Variants in TPRG1 observed in about 807,000 individuals in gnomAD.
TPRG1 encodes tumor protein p63 regulated 1, also known as tumor protein p63-regulated gene 1 protein.
A neutral mutation model predicts 29.3 loss-of-function variants in TPRG1; 29 were observed. The ratio of observed to expected loss-of-function variants is 0.99; its 90% CI spans 0.74 to 1.35. The LOEUF (loss-of-function observed/expected upper bound fraction) is 1.35. Among genes scored for constraint, TPRG1 ranks in the 40% most tolerant of loss-of-function variants. TPRG1 has a pLI of 0.00. For missense variants in TPRG1, 327 were observed against 335.0 expected, an observed-to-expected ratio of 0.98 and a Z score of 0.19; for synonymous variants, 130 against 116.8, an observed-to-expected ratio of 1.11 and a Z score of -0.73.
At chr3:189,127,645 G>A (rs1722638841) in intron 2 of TPRG1, among the ~76,000 whole-genome samples, 1 of 152,142 alleles carries the variant, frequency 6.6e-6, no homozygotes, top group African/African-American at 2.4e-5. Context: ...CCAGGTAAAG[G>A]TCTTAAGGTC....
intron 3 of TPRG1, among the ~76,000 whole-genome samples, chr3:189,020,251 A>G (rs1487638288): frequency 6.7e-6 from 1 of 149,198 alleles, no homozygotes; most frequent in African/African-American, 2.5e-5. Flanking sequence ...CTCTGATTTT[A>G]GTTATTTCTT....
chr3:189,081,925 T>A (rs1302507953), intron 4 of TPRG1, among the ~76,000 whole-genome samples: 1 of 152,186 alleles, frequency 6.6e-6, no homozygotes, highest in Non-Finnish European at 1.5e-5. Flanking sequence ...TCATCGAGAT[T>A]TAGCTCAGCT....
intron 5 of TPRG1, among the ~76,000 whole-genome samples, chr3:189,151,424 GC>G (rs1389681366): frequency 1.3e-5 from 2 of 152,118 alleles, no homozygotes; most frequent in African/African-American, 4.8e-5. Context: ...CCTAAATATA[GC>G]TAAAACCATG....
In TPRG1 at chr3:189,129,833, G is replaced by T. The variant is rs564179202; in HGVS notation, c.-589-2566G>T. 2.6e-4 allele frequency among the ~76,000 whole-genome samples: 39 copies of T among 152,236 alleles called. No homozygotes were observed. In the South Asian group the frequency reaches 7.9e-3, roughly 31 times the overall value. On this transcript the variant is annotated intron_variant, in intron 2 of 6. Transcript: ENST00000412373. ...GATTGTTTCATGTGCACAGTGGAAG[G>T]AGTATGAAAATAATTTTACTTATTT...
chr3:189,154,183 G>A (rs1188005316), intron 5 of TPRG1, among the ~76,000 whole-genome samples: 2 of 152,160 alleles, frequency 1.3e-5, no homozygotes, highest in African/African-American at 2.4e-5. Flanking sequence ...AATTGGAAAA[G>A]GAGTTTGATG....
intron 4 of TPRG1, among the ~76,000 whole-genome samples, chr3:189,148,668 G>A (rs1350486966): frequency 6.6e-6 from 1 of 152,224 alleles, no homozygotes; most frequent in Admixed American, 6.5e-5. Flanking sequence ...GCCTGACCCA[G>A]GCAATGAATC....
At chr3:189,042,079 G>A (rs764673643) in intron 4 of TPRG1, among the ~76,000 whole-genome samples, 1 of 151,840 alleles carries the variant, frequency 6.6e-6, no homozygotes, top group African/African-American at 2.4e-5. Context: ...ATGTTGATGG[G>A]AATTGACCTA....
At position 189,041,655 on chromosome 3, in the gene TPRG1, A is replaced by G. The variant is rs937028797; in HGVS notation, c.-463+17709A>G. 3.9e-5 allele frequency among the ~76,000 whole-genome samples: 6 copies of G among 152,212 alleles called. No homozygotes were observed. In the South Asian group the frequency reaches 6.2e-4, roughly 16 times the overall value. ...TTAGCCCTTTACTCAGATGCCAGCA[A>G]TTTTCTGCCATGTTACCTGGTGATG... On this transcript the variant is annotated intron_variant, in intron 4 of 10. Coordinates refer to the TPRG1 transcript ENST00000433971.
chr3:189,038,750 A>C lies in TPRG1; in HGVS notation c.-463+14804A>C, dbSNP rs77984601. Among the ~76,000 whole-genome samples, 1,035 of 151,648 alleles carry C rather than the reference A, an allele frequency of 6.8e-3. 14 individuals are homozygous for C. Among genetic ancestry groups the C allele is most frequent in the African/African-American group, 0.024 (990 of 41,312 alleles). ...TGACAAGGGATTAATACCTAGAATA[A>C]TTAAGCAATTCCTGCAAATCAACAA... On this transcript the variant is annotated intron_variant, in intron 4 of 10. Transcript: ENST00000433971.
chr3:189,195,017 C>T (rs1004962903), intron 1 of TPRG1, among the ~76,000 whole-genome samples: 5 of 152,136 alleles, frequency 3.3e-5, no homozygotes, highest in Admixed American at 6.5e-5. Flanking sequence ...AGCCACTGCT[C>T]TGTTTCCTTG....
At chr3:189,183,203 G>A (rs554477661) in intron 1 of TPRG1, among the ~76,000 whole-genome samples, 4 of 152,078 alleles carry the variant, frequency 2.6e-5, no homozygotes, top group East Asian at 1.9e-4. Context: ...ATCACATGTC[G>A]GTAGGTTCCA....
At chr3:189,012,780 A>G (rs941066104) in intron 3 of TPRG1, among the ~76,000 whole-genome samples, 3 of 152,142 alleles carry the variant, frequency 2.0e-5, no homozygotes, top group African/African-American at 7.2e-5. Context: ...TTTTATGTGC[A>G]TAGGGATGTT....
rs542960707 is a variant in TPRG1 at position 189,144,143 on chromosome 3, C to T, written c.-290-3441C>T. Among the ~76,000 whole-genome samples the T allele has an allele frequency of 1.2e-4, 18 of 152,284 alleles. No individual in the cohort carries two copies. In the East Asian group the frequency reaches 3.1e-3, roughly 26 times the overall value. On this transcript the variant is annotated intron_variant, in intron 3 of 6. Coordinates refer to the TPRG1 transcript ENST00000412373. Reference sequence around the variant, plus strand: ...TATTCTCATTATTGTCTTCTCCTTGCTCACTATAACAAATACTTCTTGAGC... The same window carrying T: ...TATTCTCATTATTGTCTTCTCCTTGTTCACTATAACAAATACTTCTTGAGC...
chr3:189,022,877 G>C (rs1713425124), intron 3 of TPRG1, among the ~76,000 whole-genome samples: 1 of 152,218 alleles, frequency 6.6e-6, no homozygotes, highest in Non-Finnish European at 1.5e-5. Flanking sequence ...AGCAATCAGC[G>C]AGACTCCGTG....
chr3:189,092,477 T>G (rs932287477), intron 4 of TPRG1, among the ~76,000 whole-genome samples: 8 of 151,866 alleles, frequency 5.3e-5, no homozygotes, highest in African/African-American at 1.7e-4. Flanking sequence ...CTATTAATTC[T>G]GTTTTCTTGA....
At chr3:189,224,973 C>T (rs1218843141) in intron 3 of TPRG1, among the ~76,000 whole-genome samples, 2 of 150,770 alleles carry the variant, frequency 1.3e-5, no homozygotes, top group Non-Finnish European at 3.0e-5. Context: ...GCTCTGTTGC[C>T]CAGGCTGGAG....
intron 4 of TPRG1, among the ~76,000 whole-genome samples, chr3:189,029,560 T>C (rs963449693): frequency 1.3e-5 from 2 of 152,206 alleles, no homozygotes; most frequent in East Asian, 1.9e-4. Flanking sequence ...AAAGGCAATG[T>C]AGTATAAGCC....
chr3:189,144,955 C>G (rs528653354), intron 3 of TPRG1, among the ~76,000 whole-genome samples: 1 of 152,328 alleles, frequency 6.6e-6, no homozygotes, highest in South Asian at 2.1e-4. Flanking sequence ...GCCTTGCTAA[C>G]TGTTCCATGT....
intron 4 of TPRG1, among the ~76,000 whole-genome samples, chr3:189,281,945 ATCTCAGC>A (rs1717211599): frequency 6.6e-6 from 1 of 151,936 alleles, no homozygotes; most frequent in African/African-American, 2.4e-5. Flanking sequence ...CAGTGGCATG[ATCTCAGC>A]TCACTGCAAC....
Sources: gnomAD v4.1 joint callset for allele counts (sites outside exome capture counted in the v4.1 genomes callset) on GRCh38, gnomAD v4.1.1 for gene constraint, MANE v1.5 for transcripts, NCBI Gene and HGNC (gene_info 2026-07-23, HGNC 2026-07-21) for gene names.